Variants in POLR1G observed in about 807,000 individuals in gnomAD.
The protein encoded by POLR1G is RNA polymerase I subunit G, also known as DNA-directed RNA polymerase I subunit RPA34.
POLR1G carries 9 observed loss-of-function variants against 6.3 expected under a neutral mutation model. That is an observed-to-expected ratio of 1.44 (90% CI 0.87 to 2.51). The LOEUF (loss-of-function observed/expected upper bound fraction) is 2.51. POLR1G is among the 30% of genes most tolerant of loss of function. POLR1G has a pLI of 0.00. For missense variants in POLR1G, 617 were observed against 632.5 expected, an observed-to-expected ratio of 0.98 and a Z score of 0.26; for synonymous variants, 248 against 256.5, an observed-to-expected ratio of 0.97 and a Z score of 0.32.
rs1261015567 is a variant in POLR1G, at chr19:45,408,185, T to C, written c.217T>C (p.Leu73=). 2 of 1,612,452 alleles carry C rather than the reference T, an allele frequency of 1.2e-6. No individual in the cohort carries two copies. Among genetic ancestry groups the C allele is most frequent in the Non-Finnish European group, 1.7e-6 (2 of 1,178,938 alleles). The change falls in exon 3 of 3, where the codon TTG becomes CTG. Residue 73 remains leucine (L), a synonymous_variant. Coordinates refer to ENST00000309424, the MANE Select transcript of POLR1G (RefSeq NM_012099.3). The part of the protein sequence containing the change: ...LSGSQIVKGK[L]AGKRHRYRVL... ...TGGCTCCCAGATCGTCAAGGGCAAA[T>C]TGGCAGGCAAGCGGCACCGCTATCG...
At position 45,408,890 on chromosome 19, in the gene POLR1G, G is replaced by A. The variant is rs1973510787; in HGVS notation, c.922G>A (p.Glu308Lys). The part of the protein sequence containing the change: ...GMEPEEGVTV[E>K]SQPQVKVEPL... ...GGAGCCAGAGGAGGGGGTGACAGTT[G>A]AGTCTCAGCCACAGGTGAAGGTGGA... Residue 308 changes from glutamate to lysine, a missense_variant, in exon 3 of 3, where the codon GAG (glutamate) becomes AAG (lysine). Coordinates refer to ENST00000309424, the MANE Select transcript of POLR1G (RefSeq NM_012099.3). 6.2e-7 allele frequency: 1 copy of A among 1,614,124 alleles called. No homozygotes were observed. Among genetic ancestry groups the A allele is most frequent in the African/African-American group, 1.3e-5 (1 of 75,024 alleles).
chr19:45,407,881 T>C (rs1044995785), intron 2 of POLR1G: 28 of 369,250 alleles, frequency 7.6e-5, no homozygotes, highest in African/African-American at 4.3e-4. Flanking sequence ...CATAGTGAAA[T>C]TGTCTCTACT....
At chr19:45,408,062 A>AAAAAAAAAAATCAAAAAACCT in intron 2 of POLR1G, 71 bp from the exon 3 acceptor site, 48 of 755,298 alleles carry the variant, frequency 6.4e-5, no homozygotes, top group Non-Finnish European at 7.4e-5. Flanking sequence ...AAAAAAAAAC[A>AAAAAAAAAAATCAAAAAACCT]AAAAAAAAAT....
rs761668695 is a variant in POLR1G at position 45,408,113 on chromosome 19, C to T, written c.165-20C>T. ...CTCCTGTTCCACTTAAGCCTCTGCCCTCCCTGTTTCTCTCTGTAGCTTCAA... is the reference window on the plus strand; with the variant it reads ...CTCCTGTTCCACTTAAGCCTCTGCCTTCCCTGTTTCTCTCTGTAGCTTCAA... On this transcript the variant is annotated intron_variant, in intron 2 of 2. Transcript: ENST00000309424. The T allele has an allele frequency of 6.4e-6, 10 of 1,570,998 alleles. No individual in the cohort carries two copies. The highest frequency in any genetic ancestry group is 8.7e-6 in the Non-Finnish European group (10 of 1,154,016).
Position 45,406,906 on chromosome 19 carries a change from A to T in POLR1G, c.22+188A>T. The T allele has an allele frequency of 1.0e-6, 1 of 976,984 alleles. No homozygotes were observed. Among genetic ancestry groups the T allele is most frequent in the Non-Finnish European group, 1.5e-6 (1 of 683,032 alleles). 60.5% of individuals were successfully genotyped at this position (976,984 alleles called of 1,614,324 possible). A position where few individuals can be genotyped will look rare whatever the true frequency, so the allele number is the denominator to read the frequency against. ...TTGTGGGGGGCTACCCGTGGAGAGC[A>T]AGGCGCCCCCAGGGGTTGGATCGGT... On this transcript the variant is annotated intron_variant, in intron 1 of 2. Coordinates refer to ENST00000309424, the MANE Select transcript of POLR1G (RefSeq NM_012099.3). The surrounding 1 kb of genome is among the most constrained non-coding windows in gnomAD (Gnocchi z 4.2).
In POLR1G at chr19:45,408,430, C is replaced by A; in HGVS notation, c.462C>A (p.Gly154=). 6.2e-7 allele frequency: 1 copy of A among 1,613,700 alleles called. No homozygotes were observed. Among genetic ancestry groups the A allele is most frequent in the Non-Finnish European group, 8.5e-7 (1 of 1,179,862 alleles). ...GLRPRFCAFG[G]NPPVTGPRSA... ...GGCCTCGGTTCTGTGCCTTTGGGGG[C>A]AACCCACCAGTCACAGGGCCTAGGT... The change falls in exon 3 of 3, where the codon GGC becomes GGA. Residue 154 remains glycine (G), a synonymous_variant. Transcript: ENST00000309424.
chr19:45,409,151 G>C lies in POLR1G; in HGVS notation c.1183G>C (p.Ala395Pro). 6.2e-7 allele frequency: 1 copy of C among 1,613,198 alleles called. No homozygotes were observed. Among genetic ancestry groups the C allele is most frequent in the Non-Finnish European group, 8.5e-7 (1 of 1,179,414 alleles). ...GACGAAGAAAGAAAAACAGCAAGAT[G>C]CCACAGTGGAGCCAGAGACAGAGGT... Reference protein sequence around the residue: ...KKTKKEKQQDATVEPETEVVG... With the variant: ...KKTKKEKQQDPTVEPETEVVG... The change falls in exon 3 of 3, where the codon GCC (alanine) becomes CCC (proline). Residue 395 changes from alanine to proline, a missense_variant. Coordinates refer to ENST00000309424, the MANE Select transcript of POLR1G (RefSeq NM_012099.3).
At chr19:45,407,852 T>TC (rs1474073484) in intron 2 of POLR1G, 1 of 312,492 alleles carries the variant, frequency 3.2e-6, no homozygotes, top group Non-Finnish European at 5.9e-6. Context: ...GGTCAGGAGT[T>TC]CAAGACCAGC....
rs755051088 is a variant in POLR1G at position 45,409,510 on chromosome 19, C to G, written c.*9C>G. The G allele has an allele frequency of 1.3e-6, 2 of 1,597,396 alleles. No individual in the cohort carries two copies. Among genetic ancestry groups the G allele is most frequent in the Non-Finnish European group, 1.7e-6 (2 of 1,172,790 alleles). On this transcript the variant is annotated 3_prime_UTR_variant, in exon 3 of 3. Transcript: ENST00000309424. ...AGCAGCAGCCTGTGTAGTCTGCCCC[C>G]GGGAAACTGAGGAACTAAAGAAAGC...
rs142978273 is a variant in POLR1G at position 45,408,754 on chromosome 19, C to A, written c.786C>A (p.Phe262Leu). 6.2e-7 allele frequency: 1 copy of A among 1,613,750 alleles called. No individual in the cohort carries two copies. Among genetic ancestry groups the A allele is most frequent in the Non-Finnish European group, 8.5e-7 (1 of 1,179,950 alleles). ...AGAAGCCCAAAGGGAAAGAAACCTT[C>A]GAGCCAGAAGACAAGACAGTGAAGC... ...KRKKPKGKET[F>L]EPEDKTVKQE... Residue 262 changes from phenylalanine to leucine, a missense_variant, in exon 3 of 3, where the codon TTC (phenylalanine) becomes TTA (leucine). By Grantham distance (22) the Phe-to-Leu change is conservative (BLOSUM62 0). Coordinates refer to ENST00000309424, the MANE Select transcript of POLR1G (RefSeq NM_012099.3).
rs59228959 is a variant in POLR1G at position 45,410,146 on chromosome 19, C to G, written c.*645C>G. The G allele has an allele frequency of 0.021, 3,243 of 155,160 alleles. 127 individuals carry two copies. The highest frequency in any genetic ancestry group is 0.072 in the African/African-American group (2,991 of 41,352). The allele number at this position is 155,160 out of a possible 1,614,324, so 9.6% of individuals were successfully genotyped here. A position where few individuals can be genotyped will look rare whatever the true frequency, so the allele number is the denominator to read the frequency against. On this transcript the variant is annotated 3_prime_UTR_variant, in exon 3 of 3. Transcript: ENST00000309424. ...TCCTGATGCGCCTGCCTCAGCCTCCCAGTGCTGGGATTATAGGTGTGAGCC... is the reference window on the plus strand; with the variant it reads ...TCCTGATGCGCCTGCCTCAGCCTCCGAGTGCTGGGATTATAGGTGTGAGCC...
intron 2 of POLR1G, 29 bp downstream of exon 2, chr19:45,407,264 G>T (rs1350057949): frequency 1.2e-6 from 2 of 1,603,118 alleles, no homozygotes; most frequent in Admixed American, 1.8e-5. Context: ...GGAAAAGAGG[G>T]TCCCGGTCCA....
rs746076752 is a variant in POLR1G, at chr19:45,408,264, C to T, written c.296C>T (p.Thr99Met). The change falls in exon 3 of 3, where the codon ACG becomes ATG. Residue 99 changes from threonine to methionine, a missense_variant. Transcript: ENST00000309424. ...AGEATLLAPSTEAGGGLTCAS... is the reference protein window; with the variant it reads ...AGEATLLAPSMEAGGGLTCAS... ...GAAGCGACCCTGCTGGCCCCCTCAA[C>T]GGAGGCAGGAGGTGGACTCACCTGT... The T allele has an allele frequency of 9.3e-6, 15 of 1,613,998 alleles. No individual in the cohort carries two copies. Among genetic ancestry groups the T allele is most frequent in the African/African-American group, 1.3e-5 (1 of 74,938 alleles).
At position 45,409,886 on chromosome 19, in the gene POLR1G, A is replaced by ATTT. The variant is rs1269879245; in HGVS notation, c.*387_*388insTTT. The ATTT allele has an allele frequency of 8.0e-6, 2 of 249,712 alleles. No homozygotes were observed. The highest frequency in any genetic ancestry group is 1.8e-4 in the South Asian group (1 of 5,554). 15.5% of individuals were successfully genotyped at this position (249,712 alleles called of 1,614,324 possible). ...GTTACAATCTTTTTAAGTTATTATTATTATTATTATTTTTTTTTTTTTTGA... is the reference window on the plus strand; with the variant it reads ...GTTACAATCTTTTTAAGTTATTATTATTTTTATTATTATTTTTTTTTTTTTTGA... On this transcript the variant is annotated 3_prime_UTR_variant, in exon 3 of 3. Coordinates refer to ENST00000309424, the MANE Select transcript of POLR1G (RefSeq NM_012099.3).
rs148669652 is a variant in POLR1G at position 45,408,871 on chromosome 19, A to G, written c.903A>G (p.Pro301=). 49 of 1,614,214 alleles carry G rather than the reference A, an allele frequency of 3.0e-5. No homozygotes were observed. In the African/African-American group the frequency reaches 6.1e-4, roughly 20 times the overall value. ...KRQKGTEGME[P]EEGVTVESQP... is the part of the protein sequence containing the mutation. ...AAAAGGGGACGGAAGGGATGGAGCC[A>G]GAGGAGGGGGTGACAGTTGAGTCTC... The change falls in exon 3 of 3, where the codon CCA becomes CCG. Residue 301 remains proline, a synonymous_variant. Coordinates refer to ENST00000309424, the MANE Select transcript of POLR1G (RefSeq NM_012099.3).
rs896460788 is a variant in POLR1G, at chr19:45,410,596, T to TGTGTGTGTGTGTGTGTGTGTG, written c.*1096_*1097insTGTGTGTGTGTGTGTGTGTGG. The TGTGTGTGTGTGTGTGTGTGTG allele has an allele frequency of 6.6e-6, 1 of 151,610 alleles. No homozygotes were observed. The highest frequency in any genetic ancestry group is 2.4e-5 in the African/African-American group (1 of 41,082). The allele number at this position is 151,610 out of a possible 1,614,324, so 9.4% of individuals were successfully genotyped here. A position where few individuals can be genotyped will look rare whatever the true frequency, so the allele number is the denominator to read the frequency against. On this transcript the variant is annotated 3_prime_UTR_variant, in exon 3 of 3. Transcript: ENST00000309424. ...GTGTGTGTGTGTGTGTGTGTGTGTG[T>TGTGTGTGTGTGTGTGTGTGTG]GGTACCCATTAACCTTCCCCATCTC...
In POLR1G at chr19:45,406,670, A is replaced by G. The variant is rs761070256; in HGVS notation, c.-27A>G. The G allele has an allele frequency of 1.1e-5, 17 of 1,546,234 alleles. No homozygotes were observed. In the East Asian group the frequency reaches 3.3e-4, roughly 30 times the overall value. ...ACCTGGTGCGAGCAGCCCGGGCTACAGGGTTGCCTGAGGTGTGGGTCCCAG... is the reference window on the plus strand; with the variant it reads ...ACCTGGTGCGAGCAGCCCGGGCTACGGGGTTGCCTGAGGTGTGGGTCCCAG... On this transcript the variant is annotated 5_prime_UTR_variant, in exon 1 of 3. Transcript: ENST00000309424. The surrounding 1 kb of genome is among the most constrained non-coding windows in gnomAD (Gnocchi z 4.2).
rs1282128839 is a variant in POLR1G, at chr19:45,409,381, G to T, written c.1413G>T (p.Arg471=). Reference sequence around the variant, plus strand: ...GGAAGAAGCAGAGTCAGGAAAGCCGGATGCCAGAGACAGTGCCCCAAGAGG... The same window carrying T: ...GGAAGAAGCAGAGTCAGGAAAGCCGTATGCCAGAGACAGTGCCCCAAGAGG... The part of the protein sequence containing the change: ...KKRKKQSQES[R]MPETVPQEEM... Residue 471 remains arginine, a synonymous_variant, in exon 3 of 3, where the codon CGG becomes CGT. Coordinates refer to ENST00000309424, the MANE Select transcript of POLR1G (RefSeq NM_012099.3). The T allele has an allele frequency of 6.2e-7, 1 of 1,614,102 alleles. No individual in the cohort carries two copies. Among genetic ancestry groups the T allele is most frequent in the East Asian group, 2.2e-5 (1 of 44,882 alleles).
rs1328480603 is a variant in POLR1G, at chr19:45,408,596, G to T, written c.628G>T (p.Val210Leu). ...DMALGSPEMDVRKKKKKKNQQ... is the reference protein window; with the variant it reads ...DMALGSPEMDLRKKKKKKNQQ... ...GGCTTTGGGGTCGCCAGAAATGGAT[G>T]TGCGGAAGAAGAAGAAGAAAAAAAA... The change falls in exon 3 of 3, where the codon GTG (valine) becomes TTG (leucine). Residue 210 changes from valine to leucine, a missense_variant. Coordinates refer to ENST00000309424, the MANE Select transcript of POLR1G (RefSeq NM_012099.3). The T allele has an allele frequency of 1.2e-6, 2 of 1,613,790 alleles. No individual in the cohort carries two copies. The highest frequency in any genetic ancestry group is 2.2e-5 in the South Asian group (2 of 91,064).
Sources: allele counts gnomAD v4.1 joint callset, GRCh38; gene constraint gnomAD v4.1.1; non-coding constraint Gnocchi (gnomAD v3.1); transcripts MANE v1.5; gene names NCBI Gene and HGNC (gene_info 2026-07-23, HGNC 2026-07-21).